Variants in UBE2D4 observed in about 807,000 individuals in gnomAD.
UBE2D4 encodes the protein ubiquitin conjugating enzyme E2 D4, also known as ubiquitin-conjugating enzyme E2 D4.
In UBE2D4, 17 loss-of-function variants were observed where a neutral mutation model predicts 23.0. That is an observed-to-expected ratio of 0.74 (90% CI 0.51 to 1.11). The LOEUF is 1.11. Ranked by LOEUF, UBE2D4 falls within the 50% of genes least tolerant of loss-of-function variation. UBE2D4 has a pLI of 0.00. For synonymous variants in UBE2D4, 61 were observed against 69.4 expected, an observed-to-expected ratio of 0.88 and a Z score of 0.60; for missense variants, 139 against 181.8, an observed-to-expected ratio of 0.76 and a Z score of 1.35.
intron 6 of UBE2D4, among the ~76,000 whole-genome samples, chr7:43,951,357 G>A (rs2096002087): frequency 6.6e-6 from 1 of 152,252 alleles, no homozygotes; most frequent in South Asian, 2.1e-4. Flanking sequence ...TGACAGCACT[G>A]TGAAAGAGGC....
rs371591483 is a variant in UBE2D4, at chr7:43,948,655, T to C, written c.222T>C (p.Tyr74=). 3 of 1,609,358 alleles carry C rather than the reference T, an allele frequency of 1.9e-6. No homozygotes were observed. Among genetic ancestry groups the C allele is most frequent in the Admixed American group, 3.4e-5 (2 of 59,646 alleles). The change falls in exon 5 of 7, where the codon TAT becomes TAC. Residue 74 remains tyrosine, a synonymous_variant. Coordinates refer to ENST00000222402, the MANE Select transcript of UBE2D4 (RefSeq NM_015983.4). ...PPKVAFTTKI[Y]HPNINSNGSI... ...AGGTTGCTTTCACAACCAAAATTTA[T>C]CACCCTAATATCAACAGCAATGGCA...
At chr7:43,941,145 G>C (rs926727246) in intron 2 of UBE2D4, 10 of 152,192 alleles carry the variant, frequency 6.6e-5, no homozygotes, top group African/African-American at 2.4e-4. Context: ...ACCCAGGACA[G>C]GACCAGGTCT....
chr7:43,948,035 G>C (rs1031867825), intron 4 of UBE2D4, among the ~76,000 whole-genome samples: 1 of 152,022 alleles, frequency 6.6e-6, no homozygotes, highest in African/African-American at 2.4e-5. Flanking sequence ...TTTTTGATAG[G>C]GTTGTTTGAT....
intron 6 of UBE2D4, among the ~76,000 whole-genome samples, chr7:43,951,151 G>A (rs1440536437): frequency 6.6e-6 from 1 of 152,230 alleles, no homozygotes; most frequent in African/African-American, 2.4e-5. Flanking sequence ...TGGTCAGTTC[G>A]CTGGCTCAGC....
At chr7:43,949,857 CTTTA>C (rs1033317045) in intron 5 of UBE2D4, among the ~76,000 whole-genome samples, 1 of 151,134 alleles carries the variant, frequency 6.6e-6, no homozygotes, top group African/African-American at 2.4e-5. Flanking sequence ...TTCAGAATTT[CTTTA>C]TTTTTTTTTT....
intron 2 of UBE2D4, among the ~76,000 whole-genome samples, chr7:43,940,439 C>A (rs2095968980): frequency 6.6e-6 from 1 of 152,280 alleles, no homozygotes; most frequent in Non-Finnish European, 1.5e-5. Flanking sequence ...CTTGTTTAGC[C>A]TTACCTGTCT....
intron 1 of UBE2D4, among the ~76,000 whole-genome samples, chr7:43,929,752 A>G (rs767441080): frequency 2.0e-5 from 3 of 152,236 alleles, no homozygotes; most frequent in Non-Finnish European, 4.4e-5. Flanking sequence ...CTTAATAATT[A>G]TCGAACTTGA....
chr7:43,944,227 G>A lies in UBE2D4; in HGVS notation c.198+1196G>A, dbSNP rs1348792936. The stretch of plus-strand genomic sequence containing the variant: ...TCGCCACCACATGTGGCTAATTTTT[G>A]TGTTATTTTTAGTAGAGACAGGGTT... On this transcript the variant is annotated intron_variant, in intron 4 of 6. Coordinates refer to ENST00000222402, the MANE Select transcript of UBE2D4 (RefSeq NM_015983.4). This position sits in a 1 kb window ranked among gnomAD's most constrained non-coding sequence, Gnocchi z 4.0. The A allele has an allele frequency of 1.3e-5, 2 of 152,100 alleles. No individual in the cohort carries two copies. The highest frequency in any genetic ancestry group is 6.6e-5 in the Admixed American group (1 of 15,262). The allele number at this position is 152,100 out of a possible 1,614,324, so 9.4% of individuals were successfully genotyped here.
intron 1 of UBE2D4, among the ~76,000 whole-genome samples, chr7:43,929,664 G>C (rs181110390): frequency 6.6e-6 from 1 of 151,992 alleles, no homozygotes; most frequent in Non-Finnish European, 1.5e-5. Flanking sequence ...TGTGTGTGAC[G>C]CATTCACTCT....
intron 6 of UBE2D4, among the ~76,000 whole-genome samples, chr7:43,951,226 C>A (rs976699995): frequency 5.9e-5 from 9 of 152,106 alleles, no homozygotes. Context: ...ATTAACAGAC[C>A]CAGAATTGTA....
At chr7:43,951,757 G>C (rs914976472) in intron 6 of UBE2D4, among the ~76,000 whole-genome samples, 1 of 151,994 alleles carries the variant, frequency 6.6e-6, no homozygotes, top group Non-Finnish European at 1.5e-5. Flanking sequence ...TCCTGGACTC[G>C]AGCAATCTGC....
intron 1 of UBE2D4, among the ~76,000 whole-genome samples, chr7:43,926,867 G>C (rs1281221871): frequency 6.6e-6 from 1 of 152,256 alleles, no homozygotes; most frequent in Non-Finnish European, 1.5e-5. Context: ...GGCTGGGTGG[G>C]TATCCAGAAG....
chr7:43,943,211 T>A (rs2095977482), intron 4 of UBE2D4, 180 bp downstream of exon 4: 1 of 648,986 alleles, frequency 1.5e-6, no homozygotes. Context: ...AATTAGCACC[T>A]GTTGTGATCA....
chr7:43,938,751 G>A (rs1245582153), intron 2 of UBE2D4, among the ~76,000 whole-genome samples: 1 of 152,180 alleles, frequency 6.6e-6, no homozygotes, highest in South Asian at 2.1e-4. Flanking sequence ...CAGGAGAATC[G>A]CTTGAACCCA....
chr7:43,943,291 A>G (rs1396853436), intron 4 of UBE2D4: 1 of 577,402 alleles, frequency 1.7e-6, no homozygotes, highest in Non-Finnish European at 3.1e-6. Context: ...TTGTGACTGT[A>G]GCTGAGTCTG....
rs1178978737 is a variant in UBE2D4 at position 43,950,698 on chromosome 7, T to C, written c.398+6T>C. 3 of 1,613,076 alleles carry C rather than the reference T, an allele frequency of 1.9e-6. No individual in the cohort carries two copies. Among genetic ancestry groups the C allele is most frequent in the Non-Finnish European group, 2.5e-6 (3 of 1,179,010 alleles). ...TACAAGGCCGACAGAGAGAAGTACG[T>C]GTCCTCTTTGGGTTGCCTTTGCACC... On this transcript the variant is annotated splice_donor_region_variant and intron_variant, in intron 6 of 6. Coordinates refer to ENST00000222402, the MANE Select transcript of UBE2D4 (RefSeq NM_015983.4).
At chr7:43,943,233 G>A (rs555369583) in intron 4 of UBE2D4, 23 of 613,764 alleles carry the variant, frequency 3.7e-5, no homozygotes, top group Non-Finnish European at 6.1e-5. Flanking sequence ...GGGTCAGTGG[G>A]GTGAGCTGGT....
In UBE2D4 at chr7:43,953,102, T is replaced by A; in HGVS notation, c.*407T>A. On this transcript the variant is annotated 3_prime_UTR_variant, in exon 7 of 7. Coordinates refer to ENST00000222402, the MANE Select transcript of UBE2D4 (RefSeq NM_015983.4). The stretch of plus-strand genomic sequence containing the variant: ...CCCTCACCACATACCCTTTGCCTTT[T>A]AGAACTCAGTGCCATCCTGGGTGCC... The A allele has an allele frequency of 2.2e-6, 1 of 457,110 alleles. No homozygotes were observed. The highest frequency in any genetic ancestry group is 4.4e-6 in the Non-Finnish European group (1 of 227,234). The allele number at this position is 457,110 out of a possible 1,614,324, so 28.3% of individuals were successfully genotyped here. A position where few individuals can be genotyped will look rare whatever the true frequency, so the allele number is the denominator to read the frequency against.
intron 1 of UBE2D4, among the ~76,000 whole-genome samples, chr7:43,935,778 A>C (rs145115951): frequency 1.3e-5 from 2 of 152,322 alleles, no homozygotes; most frequent in East Asian, 3.9e-4. Context: ...GTGGTACTTG[A>C]TGCTCTCCCA....
Sources: allele counts gnomAD v4.1 joint callset (sites outside exome capture counted in the v4.1 genomes callset), GRCh38; gene constraint gnomAD v4.1.1; non-coding constraint Gnocchi (gnomAD v3.1); transcripts MANE v1.5; gene names NCBI Gene and HGNC (gene_info 2026-07-23, HGNC 2026-07-21).